The following PCDHA12 variants were observed in gnomAD, a reference collection of about 807,000 sequenced individuals.
PCDHA12 encodes the protein protocadherin alpha-12.
In PCDHA12, 44 loss-of-function variants were observed where a neutral mutation model predicts 60.0. The ratio of observed to expected loss-of-function variants is 0.73; its 90% CI spans 0.58 to 0.94. PCDHA12 has a LOEUF of 0.94. Ranked by LOEUF, PCDHA12 falls within the 40% of genes least tolerant of loss-of-function variation. PCDHA12 has a pLI of 0.00. For synonymous variants in PCDHA12, 569 were observed against 553.0 expected (o/e 1.03, Z -0.40); for missense variants, 1,276 against 1,239.7 (o/e 1.03, Z -0.44).
At chr5:141,001,896 C>T (rs2098042458) in intron 3 of PCDHA12, among the ~76,000 whole-genome samples, 1 of 152,142 alleles carries the variant, frequency 6.6e-6, no homozygotes, top group Admixed American at 6.5e-5. Flanking sequence ...GAAATCGGGG[C>T]TGTTTGAAAA....
At chr5:140,990,737 C>T (rs2097410697) in intron 3 of PCDHA12, among the ~76,000 whole-genome samples, 1 of 152,162 alleles carries the variant, frequency 6.6e-6, no homozygotes, top group African/African-American at 2.4e-5. Context: ...ATCAACAGCC[C>T]TAGGGTGGAT....
Position 141,010,115 on chromosome 5 carries a change from C to A in PCDHA12, c.*178C>A, listed in dbSNP as rs1037998611. 1.2e-6 allele frequency: 2 copies of A among 1,609,682 alleles called. No individual in the cohort carries two copies. The highest frequency in any genetic ancestry group is 2.2e-5 in the South Asian group (2 of 90,640). ...CATTTAACAGGTTTTGTCGTAAAAG[C>A]TTTACTAAGTCTGGTGTTAACTCTT... On this transcript the variant is annotated 3_prime_UTR_variant, in exon 4 of 4. Transcript: ENST00000398631.
chr5:140,936,846 T>C (rs1385625641), intron 1 of PCDHA12, among the ~76,000 whole-genome samples: 1 of 152,206 alleles, frequency 6.6e-6, no homozygotes, highest in Non-Finnish European at 1.5e-5. Context: ...AATTGTAGAT[T>C]CAGCTTCTCA....
chr5:140,944,664 T>A (rs2093679523), intron 1 of PCDHA12, among the ~76,000 whole-genome samples: 1 of 152,202 alleles, frequency 6.6e-6, no homozygotes, highest in South Asian at 2.1e-4. Context: ...ACCCCTTATT[T>A]ATCTATTCTG....
At chr5:140,930,002 C>T (rs1304233576) in intron 1 of PCDHA12, 4 of 152,196 alleles carry the variant, frequency 2.6e-5, no homozygotes, top group African/African-American at 9.6e-5. Flanking sequence ...CACCCTAAAA[C>T]ATAGCTGATA....
chr5:140,929,170 C>T, intron 1 of PCDHA12: 4 of 1,614,134 alleles, frequency 2.5e-6, no homozygotes, highest in Non-Finnish European at 3.4e-6. Flanking sequence ...TCGGGCCTCT[C>T]TGGGACTTGG....
intron 1 of PCDHA12, among the ~76,000 whole-genome samples, chr5:140,963,398 G>C (rs1465736344): frequency 6.6e-6 from 1 of 152,220 alleles, no homozygotes; most frequent in Admixed American, 6.5e-5. Flanking sequence ...CTCCCTACTG[G>C]ATGCTGTAGA....
chr5:140,915,306 A>G (rs999638953), intron 1 of PCDHA12, among the ~76,000 whole-genome samples: 1 of 152,136 alleles, frequency 6.6e-6, no homozygotes, highest in Non-Finnish European at 1.5e-5. Context: ...ATAAGTTTAC[A>G]TACCACAATT....
rs2055640130 is a variant in PCDHA12, at chr5:140,875,600, C to A, written c.128C>A (p.Thr43Asn). ...YSVYEEAKHG[T>N]FVGRIAQDLG... ...GTCTACGAGGAGGCCAAACACGGCA[C>A]CTTCGTGGGCCGCATCGCTCAGGAC... The change falls in exon 1 of 4, where the codon ACC (threonine) becomes AAC (asparagine). Residue 43 changes from threonine (T) to asparagine (N), a missense_variant. Transcript: ENST00000398631. The A allele has an allele frequency of 3.1e-6, 5 of 1,613,766 alleles. No homozygotes were observed. The highest frequency in any genetic ancestry group is 1.3e-5 in the African/African-American group (1 of 74,942).
In PCDHA12 at chr5:140,883,112, A is replaced by G. The variant is rs141106500; in HGVS notation, c.2367+5273A>G. 408 of 1,614,156 alleles carry G rather than the reference A, an allele frequency of 2.5e-4. 3 individuals are homozygous for G. In the African/African-American group the frequency reaches 5.1e-3, roughly 20 times the overall value. ...AAATGGAGATATAGTTTACTCATTTAGAAGGCCTGTATGGCCTGCAGTGGT... is the reference window on the plus strand; with the variant it reads ...AAATGGAGATATAGTTTACTCATTTGGAAGGCCTGTATGGCCTGCAGTGGT... On this transcript the variant is annotated intron_variant, in intron 1 of 3. Coordinates refer to ENST00000398631, the MANE Select transcript of PCDHA12 (RefSeq NM_018903.4).
chr5:140,933,314 G>C (rs925777839), intron 1 of PCDHA12, among the ~76,000 whole-genome samples: 1 of 151,914 alleles, frequency 6.6e-6, no homozygotes, highest in African/African-American at 2.4e-5. Context: ...ATGCAATCTC[G>C]TATTCTCCTG....
chr5:140,884,150 A>G (rs782776110), intron 1 of PCDHA12: 14 of 1,613,346 alleles, frequency 8.7e-6, no homozygotes, highest in Non-Finnish European at 1.1e-5. Context: ...GGGGCTGTAC[A>G]CTGGCGAGAT....
At chr5:140,971,207 A>C (rs2096463327) in intron 1 of PCDHA12, among the ~76,000 whole-genome samples, 1 of 152,050 alleles carries the variant, frequency 6.6e-6, no homozygotes, top group South Asian at 2.1e-4. Flanking sequence ...AGACACTGTT[A>C]CCCTCCCTCT....
chr5:140,902,127 C>G (rs2069118126), intron 1 of PCDHA12, among the ~76,000 whole-genome samples: 1 of 150,418 alleles, frequency 6.6e-6, no homozygotes, highest in African/African-American at 2.4e-5. Context: ...GAGATTATAT[C>G]ATCTGCAAAC....
At chr5:140,893,768 CT>C (rs1171880038) in intron 1 of PCDHA12, among the ~76,000 whole-genome samples, 1 of 152,132 alleles carries the variant, frequency 6.6e-6, no homozygotes, top group Non-Finnish European at 1.5e-5. Flanking sequence ...TGACTTGTCA[CT>C]TTTCTTTTAC....
intron 1 of PCDHA12, chr5:140,883,477 C>CTACT: frequency 6.2e-7 from 1 of 1,614,172 alleles, no homozygotes; most frequent in Middle Eastern, 1.7e-4. Context: ...CCTACAAGAA[C>CTACT]TACTACTCAT....
At chr5:140,993,877 C>T (rs1457877493) in intron 3 of PCDHA12, among the ~76,000 whole-genome samples, 4 of 152,150 alleles carry the variant, frequency 2.6e-5, no homozygotes, top group South Asian at 2.1e-4. Context: ...TGTGTAAGTA[C>T]GCTCTATGAT....
At chr5:140,992,282 TG>T (rs1554252798) in intron 3 of PCDHA12, among the ~76,000 whole-genome samples, 1 of 152,178 alleles carries the variant, frequency 6.6e-6, no homozygotes, top group African/African-American at 2.4e-5. Context: ...AGCACATCCC[TG>T]CAAAGGATGG....
intron 1 of PCDHA12, among the ~76,000 whole-genome samples, chr5:140,894,207 A>G (rs962841413): frequency 3.9e-5 from 6 of 152,012 alleles, no homozygotes; most frequent in African/African-American, 1.4e-4. Flanking sequence ...ATGCTATTAT[A>G]TTCTCATTTT....
Sources: gnomAD v4.1 joint callset for allele counts (sites outside exome capture counted in the v4.1 genomes callset) on GRCh38, gnomAD v4.1.1 for gene constraint, MANE v1.5 for transcripts, NCBI Gene and HGNC (gene_info 2026-07-23, HGNC 2026-07-21) for gene names.